The following GSK3B variants were observed in gnomAD, a reference collection of about 807,000 sequenced individuals.
GSK3B encodes glycogen synthase kinase-3 beta.
A neutral mutation model predicts 56.4 loss-of-function variants in GSK3B; 15 were observed. The observed-to-expected ratio is 0.27, with a 90% CI of 0.18 to 0.41. The LOEUF (loss-of-function observed/expected upper bound fraction) is 0.41, where lower values mean the gene tolerates loss of function less well. GSK3B is among the 10% of genes least tolerant of loss of function. The probability of loss-of-function intolerance (pLI) is 1.00; values close to 1 mark genes in which losing one functional copy is unlikely to be tolerated. For missense variants in GSK3B, 300 were observed against 513.4 expected (o/e 0.58, Z 4.02); for synonymous variants, 181 against 188.9 (o/e 0.96, Z 0.34).
At chr3:119,906,779 C>T (rs2056686778) in intron 6 of GSK3B, among the ~76,000 whole-genome samples, 1 of 152,062 alleles carries the variant, frequency 6.6e-6, no homozygotes, top group South Asian at 2.1e-4. Flanking sequence ...CATTGCTGGA[C>T]TTTACCACCT....
At chr3:119,897,090 C>T in intron 7 of GSK3B, among the ~76,000 whole-genome samples, 1 of 152,120 alleles carries the variant, frequency 6.6e-6, no homozygotes, top group East Asian at 1.9e-4. Context: ...ATAAATAAAA[C>T]ATCACTGGCA....
chr3:120,059,647 T>C (rs1241746590), intron 1 of GSK3B, among the ~76,000 whole-genome samples: 3 of 152,208 alleles, frequency 2.0e-5, no homozygotes, highest in Non-Finnish European at 4.4e-5. Flanking sequence ...TTAGTTCAAC[T>C]TCCTCACCCA....
intron 1 of GSK3B, chr3:120,028,878 G>A (rs1469653015): frequency 1.0e-5 from 5 of 478,304 alleles, no homozygotes; most frequent in South Asian, 6.6e-5. Context: ...TGGCTTCTTC[G>A]CAAAAATGTG....
In GSK3B at chr3:119,921,644, A is replaced by G. The variant is rs116184187; in HGVS notation, c.477+1729T>C. 4.2e-3 allele frequency among the ~76,000 whole-genome samples: 643 copies of G among 152,330 alleles called. 1 individual carries two copies. The highest frequency in any genetic ancestry group is 0.015 in the African/African-American group (608 of 41,582). ...TAGCAACAAAGTTCAAGAGAGAGAA[A>G]AAGAGAACCTATGGATTAAAAGAAA... On this transcript the variant is annotated intron_variant, in intron 4 of 10. Coordinates refer to ENST00000264235, the MANE Select transcript of GSK3B (RefSeq NM_001146156.2).
At chr3:119,983,999 A>T (rs149144333) in intron 2 of GSK3B, among the ~76,000 whole-genome samples, 1 of 152,324 alleles carries the variant, frequency 6.6e-6, no homozygotes, top group Admixed American at 6.5e-5. Flanking sequence ...AAAGCACAAC[A>T]AACTGTCTCA....
Position 119,823,108 on chromosome 3 carries a change from T to C in GSK3B, c.*3680A>G, listed in dbSNP as rs1354929927. 8.7e-6 allele frequency: 2 copies of C among 229,558 alleles called. No individual in the cohort carries two copies. The highest frequency in any genetic ancestry group is 1.2e-4 in the East Asian group (2 of 16,138). The allele number at this position is 229,558 out of a possible 1,614,324, so 14.2% of individuals were successfully genotyped here. ...GGTGCAGTCTTCTGCCTTGCTGGAA[T>C]GAACACACGATGTTTCAAAAATAGT... is the stretch of plus-strand genomic sequence containing the variant. On this transcript the variant is annotated 3_prime_UTR_variant, in exon 11 of 11. Coordinates refer to ENST00000264235, the MANE Select transcript of GSK3B (RefSeq NM_001146156.2).
Position 120,073,501 on chromosome 3 carries a change from G to A in GSK3B, c.88+19846C>T, listed in dbSNP as rs566597013. On this transcript the variant is annotated intron_variant, in intron 1 of 10. Transcript: ENST00000264235. ...CACTGTTTTATAGCTAGCCAGATCA[G>A]TTTTAAAAGCAAGGTATTTGCTCTT... 1.5e-3 allele frequency among the ~76,000 whole-genome samples: 229 copies of A among 152,238 alleles called. 2 individuals carry two copies. The highest frequency in any genetic ancestry group is 5.2e-3 in the African/African-American group (215 of 41,542).
At position 119,869,198 on chromosome 3, in the gene GSK3B, T is replaced by C. The variant is rs550092993; in HGVS notation, c.910-5593A>G. Among the ~76,000 whole-genome samples, 3 of 98,050 alleles carry C rather than the reference T, an allele frequency of 3.1e-5. No individual in the cohort carries two copies. The East Asian group carries it at 1.0e-3, about 34-fold the overall frequency. The allele number at this position is 98,050 out of a possible 152,430, so 64.3% of individuals were successfully genotyped here. On this transcript the variant is annotated intron_variant, in intron 8 of 10. Coordinates refer to ENST00000264235, the MANE Select transcript of GSK3B (RefSeq NM_001146156.2). ...GAGGTCGTGCCACTGCACTCCAGCCTGGGCAACAGATCAAGATTCCATCTC... is the reference window on the plus strand; with the variant it reads ...GAGGTCGTGCCACTGCACTCCAGCCCGGGCAACAGATCAAGATTCCATCTC...
chr3:120,053,372 A>G (rs1481628341), intron 1 of GSK3B, among the ~76,000 whole-genome samples: 1 of 152,144 alleles, frequency 6.6e-6, no homozygotes, highest in African/African-American at 2.4e-5. Flanking sequence ...CACAGAGTAC[A>G]CTTTACAGAT....
Position 119,822,961 on chromosome 3 carries a change from A to G in GSK3B, c.*3827T>C. On this transcript the variant is annotated 3_prime_UTR_variant, in exon 11 of 11. Transcript: ENST00000264235. The stretch of plus-strand genomic sequence containing the variant: ...AGGGATAGAGAATACTCCTCTCAGA[A>G]ACCTTTGCATTGGTGCAGACAAGAT... 4.4e-6 allele frequency: 1 copy of G among 229,404 alleles called. No homozygotes were observed. The highest frequency in any genetic ancestry group is 5.7e-5 in the Admixed American group (1 of 17,644). The allele number at this position is 229,404 out of a possible 1,614,324, so 14.2% of individuals were successfully genotyped here.
intron 2 of GSK3B, among the ~76,000 whole-genome samples, chr3:119,995,737 A>AT (rs138237628): frequency 0.096 from 12,545 of 130,536 alleles, 682 homozygotes; most frequent in South Asian, 0.15. Context: ...GCCTGAAATA[A>AT]TTTTTTTTTT....
chr3:120,073,715 G>A (rs2058346214), intron 1 of GSK3B, among the ~76,000 whole-genome samples: 1 of 152,160 alleles, frequency 6.6e-6, no homozygotes, highest in Admixed American at 6.5e-5. Flanking sequence ...GAGCAATTAA[G>A]AGAACAGGTT....
intron 10 of GSK3B, among the ~76,000 whole-genome samples, chr3:119,839,123 C>G (rs565621217): frequency 1.7e-4 from 26 of 152,224 alleles, no homozygotes; most frequent in Non-Finnish European, 2.6e-4. Context: ...CCAGAATTAG[C>G]ACAGTATGAT....
At chr3:119,931,426 G>C (rs2056944242) in intron 3 of GSK3B, among the ~76,000 whole-genome samples, 1 of 152,086 alleles carries the variant, frequency 6.6e-6, no homozygotes, top group Non-Finnish European at 1.5e-5. Context: ...CACCAGCCTG[G>C]GCAACATGGC....
rs542318284 is a variant in GSK3B at position 119,826,744 on chromosome 3, A to C, written c.*44T>G. 1 of 1,265,006 alleles carries C rather than the reference A, an allele frequency of 7.9e-7. No individual in the cohort carries two copies. Among genetic ancestry groups the C allele is most frequent in the African/African-American group, 1.5e-5 (1 of 68,416 alleles). The allele number at this position is 1,265,006 out of a possible 1,614,324, so 78.4% of individuals were successfully genotyped here. A position where few individuals can be genotyped will look rare whatever the true frequency, so the allele number is the denominator to read the frequency against. ...GACCAGTGTTGCTGAGTGACACTCA[A>C]GTAACTGGTGGTTTTTCCTGTGCAG... is the stretch of plus-strand genomic sequence containing the variant. On this transcript the variant is annotated 3_prime_UTR_variant, in exon 11 of 11. Transcript: ENST00000264235.
chr3:119,912,992 A>G (rs1180957309), intron 5 of GSK3B, among the ~76,000 whole-genome samples, 182 bp from the exon 6 acceptor site: 1 of 152,140 alleles, frequency 6.6e-6, no homozygotes, highest in Non-Finnish European at 1.5e-5. Flanking sequence ...CAATTTTATC[A>G]CCTTGCTCTG....
At chr3:119,917,651 C>T (rs530861857) in intron 4 of GSK3B, among the ~76,000 whole-genome samples, 39 of 145,774 alleles carry the variant, frequency 2.7e-4, no homozygotes, top group African/African-American at 8.5e-4. Flanking sequence ...TCAGTGAAAA[C>T]GAGTTTTCTT....
intron 1 of GSK3B, among the ~76,000 whole-genome samples, chr3:120,055,025 C>A (rs1230360839): frequency 6.6e-6 from 1 of 152,122 alleles, no homozygotes; most frequent in Admixed American, 6.5e-5. Flanking sequence ...GATTGTACAA[C>A]CTTAATCTTT....
intron 1 of GSK3B, among the ~76,000 whole-genome samples, chr3:120,014,043 G>A (rs1205506746): frequency 6.7e-6 from 1 of 149,998 alleles, no homozygotes; most frequent in Non-Finnish European, 1.5e-5. Context: ...GCTGAGGCAA[G>A]AGAATTGCTT....
Sources: allele counts gnomAD v4.1 joint callset (sites outside exome capture counted in the v4.1 genomes callset), GRCh38; gene constraint gnomAD v4.1.1; transcripts MANE v1.5; gene names NCBI Gene and HGNC (gene_info 2026-07-23, HGNC 2026-07-21).